The following SPATA6L variants were observed in gnomAD, a reference collection of about 807,000 sequenced individuals.
SPATA6L encodes the protein spermatogenesis associated 6-like protein.
SPATA6L carries 68 observed loss-of-function variants against 49.2 expected under a neutral mutation model. The observed-to-expected ratio is 1.38, with a 90% CI of 1.14 to 1.69. SPATA6L has a LOEUF of 1.69. Among genes scored for constraint, SPATA6L ranks in the 40% most tolerant of loss-of-function variants. The pLI is 0.00. For synonymous variants in SPATA6L, 198 were observed against 165.7 expected (o/e 1.19, Z -1.50); for missense variants, 668 against 464.3 (o/e 1.44, Z -4.03).
At chr9:4,651,485 C>T (rs1399805190) in intron 3 of SPATA6L, among the ~76,000 whole-genome samples, 1 of 152,150 alleles carries the variant, frequency 6.6e-6, no homozygotes, top group Non-Finnish European at 1.5e-5. Context: ...ACAGAACATA[C>T]CCCAACAGAT....
In SPATA6L at chr9:4,662,056, A is replaced by G. The variant is rs1175452886; in HGVS notation, c.40-20T>C. 7 of 1,612,572 alleles carry G rather than the reference A, an allele frequency of 4.3e-6. No individual in the cohort carries two copies. The highest frequency in any genetic ancestry group is 5.1e-6 in the Non-Finnish European group (6 of 1,179,260). On this transcript the variant is annotated intron_variant, in intron 1 of 11. Coordinates refer to ENST00000682582, the MANE Select transcript of SPATA6L (RefSeq NM_001353486.2). This position sits in a 1 kb window ranked among gnomAD's most constrained non-coding sequence, Gnocchi z 4.9. ...AGAAATCTTAAAAAGAAAGAAAACAACAAACAAGGGAGAGAAAACAGACTT... is the reference window on the plus strand; with the variant it reads ...AGAAATCTTAAAAAGAAAGAAAACAGCAAACAAGGGAGAGAAAACAGACTT...
At chr9:4,655,863 A>G (rs1338741012) in intron 3 of SPATA6L, among the ~76,000 whole-genome samples, 178 bp downstream of exon 3, 1 of 152,164 alleles carries the variant, frequency 6.6e-6, no homozygotes, top group Admixed American at 6.5e-5. Flanking sequence ...GCCCATCTAT[A>G]TATAGAAAAG....
intron 5 of SPATA6L, chr9:4,627,558 G>A (rs369505423): frequency 1.6e-5 from 6 of 368,612 alleles, no homozygotes; most frequent in African/African-American, 1.3e-4. Context: ...CAAAGTATTT[G>A]GAGAAGCTTC....
intron 3 of SPATA6L, among the ~76,000 whole-genome samples, chr9:4,645,741 T>G (rs778750964): frequency 6.6e-6 from 1 of 152,148 alleles, no homozygotes; most frequent in Non-Finnish European, 1.5e-5. Context: ...AAACTAGATA[T>G]AAAAGGCCAC....
In SPATA6L at chr9:4,666,401, G is replaced by A. The variant is rs567659872; in HGVS notation, c.-151C>T. 17 of 775,720 alleles carry A rather than the reference G, an allele frequency of 2.2e-5. No individual in the cohort carries two copies. In the East Asian group the frequency reaches 4.3e-4, roughly 20 times the overall value. The allele number at this position is 775,720 out of a possible 1,614,324, so 48.1% of individuals were successfully genotyped here. A position where few individuals can be genotyped will look rare whatever the true frequency, so the allele number is the denominator to read the frequency against. On this transcript the variant is annotated 5_prime_UTR_variant, in exon 1 of 12. Transcript: ENST00000682582. ...CCTTGTTCCCCTACCGTCCCCCCCA[G>A]CCCAGGTCCCTCCCACCGGGACGGG...
At chr9:4,619,447 T>C (rs1828783660) in intron 7 of SPATA6L, among the ~76,000 whole-genome samples, 2 of 152,102 alleles carry the variant, frequency 1.3e-5, no homozygotes, top group Admixed American at 6.6e-5. Flanking sequence ...TGTAAGCCTC[T>C]GGACGTTTTG....
chr9:4,642,774 G>T (rs1462310849), intron 3 of SPATA6L, among the ~76,000 whole-genome samples: 2 of 151,142 alleles, frequency 1.3e-5, no homozygotes, highest in African/African-American at 4.9e-5. Context: ...ACTGTTTTAA[G>T]CATAACTGAT....
chr9:4,651,304 G>C (rs974860385), intron 3 of SPATA6L, among the ~76,000 whole-genome samples: 14 of 152,140 alleles, frequency 9.2e-5, no homozygotes, highest in Admixed American at 5.2e-4. Flanking sequence ...TAATAACACT[G>C]ACTCAAGAAG....
chr9:4,622,467 T>C lies in SPATA6L; in HGVS notation c.713A>G (p.His238Arg), dbSNP rs1829548600. 2.5e-6 allele frequency: 4 copies of C among 1,613,754 alleles called. No individual in the cohort carries two copies. Among genetic ancestry groups the C allele is most frequent in the Non-Finnish European group, 3.4e-6 (4 of 1,179,966 alleles). ...KPFGENISEH[H>R]LRRSRRKSKF... ...AGATTTTCTTCTAGACCTCCTCAAATGATGCTCTGAAATATTCTCACCAAA... is the reference window on the plus strand; with the variant it reads ...AGATTTTCTTCTAGACCTCCTCAAACGATGCTCTGAAATATTCTCACCAAA... The change falls in exon 7 of 12, where the codon CAT becomes CGT. Residue 238 changes from histidine to arginine, a missense_variant. By Grantham distance (29) the His-to-Arg change is conservative (BLOSUM62 0). Coordinates refer to ENST00000682582, the MANE Select transcript of SPATA6L (RefSeq NM_001353486.2).
chr9:4,662,257 C>A lies in SPATA6L; in HGVS notation c.40-221G>T. 2.1e-6 allele frequency: 3 copies of A among 1,434,240 alleles called. No homozygotes were observed. The highest frequency in any genetic ancestry group is 2.7e-6 in the Non-Finnish European group (3 of 1,099,582). 88.8% of individuals were successfully genotyped at this position (1,434,240 alleles called of 1,614,324 possible). Reference sequence around the variant, plus strand: ...GTCTCCACCAGGTGTCACAATCGCGCTCTCGCCGGCTCCTCTCCCCGCCCC... The same window carrying A: ...GTCTCCACCAGGTGTCACAATCGCGATCTCGCCGGCTCCTCTCCCCGCCCC... On this transcript the variant is annotated intron_variant, in intron 1 of 11. Coordinates refer to ENST00000682582, the MANE Select transcript of SPATA6L (RefSeq NM_001353486.2). The surrounding 1 kb of genome is among the most constrained non-coding windows in gnomAD (Gnocchi z 4.9).
chr9:4,666,106 T>G, intron 1 of SPATA6L, 106 bp downstream of exon 1: 2 of 959,814 alleles, frequency 2.1e-6, no homozygotes, highest in Non-Finnish European at 3.4e-6. Context: ...AAGATAATGA[T>G]GTGTTTGTGG....
At chr9:4,626,286 C>G (rs1386546637) in intron 5 of SPATA6L, 2 of 971,786 alleles carry the variant, frequency 2.1e-6, no homozygotes, top group African/African-American at 1.7e-5. Context: ...CTCCTCCAGA[C>G]ATATCAGCGG....
intron 3 of SPATA6L, among the ~76,000 whole-genome samples, chr9:4,646,818 AGAGAAAAC>A (rs1257329311): frequency 6.6e-5 from 10 of 152,220 alleles, no homozygotes; most frequent in African/African-American, 2.4e-4. Flanking sequence ...TAATGCAGAA[AGAGAAAAC>A]CAAATGCAGC....
At chr9:4,624,180 C>A (rs192499014) in intron 6 of SPATA6L, among the ~76,000 whole-genome samples, 1 of 152,036 alleles carries the variant, frequency 6.6e-6, no homozygotes, top group South Asian at 2.1e-4. Flanking sequence ...AATTAGAACA[C>A]GAACTGGTGT....
intron 5 of SPATA6L, 113 bp from the exon 6 acceptor site, chr9:4,625,679 A>G (rs1830215656): frequency 1.5e-6 from 1 of 661,306 alleles, no homozygotes; most frequent in Admixed American, 3.7e-5. Flanking sequence ...CAAAGATAAC[A>G]CACCTCAGAT....
intron 10 of SPATA6L, among the ~76,000 whole-genome samples, chr9:4,604,938 T>C (rs995244374): frequency 3.3e-5 from 5 of 152,218 alleles, no homozygotes; most frequent in Admixed American, 2.6e-4. Flanking sequence ...AACAACTTTC[T>C]TCCATGTTGT....
chr9:4,662,654 C>T lies in SPATA6L; in HGVS notation c.40-618G>A, dbSNP rs984236155. The T allele has an allele frequency of 1.7e-5, 27 of 1,599,716 alleles. No homozygotes were observed. The highest frequency in any genetic ancestry group is 2.3e-5 in the Non-Finnish European group (27 of 1,179,828). Reference sequence around the variant, plus strand: ...CGCTGCCCGAGGAGGACCGCATGGACTTGAACCCGTCCTTCCTGGGCATCG... The same window carrying T: ...CGCTGCCCGAGGAGGACCGCATGGATTTGAACCCGTCCTTCCTGGGCATCG... On this transcript the variant is annotated intron_variant, in intron 1 of 11. Coordinates refer to ENST00000682582, the MANE Select transcript of SPATA6L (RefSeq NM_001353486.2). This position sits in a 1 kb window ranked among gnomAD's most constrained non-coding sequence, Gnocchi z 4.9.
At chr9:4,638,596 C>T (rs953496572) in intron 3 of SPATA6L, among the ~76,000 whole-genome samples, 3 of 152,132 alleles carry the variant, frequency 2.0e-5, no homozygotes, top group African/African-American at 7.2e-5. Context: ...TCTGACAATG[C>T]TCCCTGTGAT....
chr9:4,629,280 C>A (rs1017782823), intron 4 of SPATA6L, 112 bp from the exon 5 acceptor site: 4 of 641,996 alleles, frequency 6.2e-6, no homozygotes, highest in African/African-American at 5.6e-5. Flanking sequence ...GTGGCATAAT[C>A]CACACACATT....
Sources: allele counts gnomAD v4.1 joint callset (sites outside exome capture counted in the v4.1 genomes callset), GRCh38; gene constraint gnomAD v4.1.1; non-coding constraint Gnocchi (gnomAD v3.1); transcripts MANE v1.5; gene names NCBI Gene and HGNC (gene_info 2026-07-23, HGNC 2026-07-21).